Variants in EPS15 observed in about 807,000 individuals in gnomAD.
The protein encoded by EPS15 is epidermal growth factor receptor pathway substrate 15.
Under a neutral mutation model 113.8 loss-of-function variants are expected in EPS15, and 72 were observed. The observed-to-expected ratio is 0.63, with a 90% confidence interval of 0.52 to 0.77. The LOEUF is 0.77. Ranked by LOEUF, EPS15 falls within the 30% of genes least tolerant of loss-of-function variation. The probability of loss-of-function intolerance (pLI) is 0.00; values close to 1 mark genes in which losing one functional copy is unlikely to be tolerated. For missense variants in EPS15, 1,048 were observed against 1,045.8 expected (o/e 1.00, Z -0.03); for synonymous variants, 344 against 363.4 (o/e 0.95, Z 0.61).
intron 21 of EPS15, among the ~76,000 whole-genome samples, chr1:51,391,017 A>G (rs1012305855): frequency 9.9e-5 from 15 of 152,224 alleles, no homozygotes; most frequent in Non-Finnish European, 2.2e-4. Context: ...ATGCACACGT[A>G]TATTTATTGC....
chr1:51,491,528 A>C (rs534820361), intron 1 of EPS15, among the ~76,000 whole-genome samples: 19 of 152,380 alleles, frequency 1.2e-4, no homozygotes, highest in African/African-American at 4.6e-4. Flanking sequence ...GTAAAAGAAA[A>C]CAGGATGAAA....
chr1:51,357,371 C>A (rs1349696083), intron 24 of EPS15, among the ~76,000 whole-genome samples: 3 of 62,840 alleles, frequency 4.8e-5, no homozygotes, highest in Admixed American at 2.3e-4. Context: ...AGTGAGATTC[C>A]ATCTGAAAAA....
Position 51,430,259 on chromosome 1 carries a change from C to T in EPS15, c.1041-8401G>A, listed in dbSNP as rs188500029. Among the ~76,000 whole-genome samples the T allele has an allele frequency of 3.3e-5, 5 of 152,154 alleles. No individual in the cohort carries two copies. In the East Asian group the frequency reaches 9.7e-4, roughly 29 times the overall value. On this transcript the variant is annotated intron_variant, in intron 12 of 24. Coordinates refer to ENST00000371733, the MANE Select transcript of EPS15 (RefSeq NM_001981.3). ...TTTAAACAATTTGAAAGTTACATGA[C>T]CTTTCATTCTAAGAATTCAGAGTTC...
intron 21 of EPS15, among the ~76,000 whole-genome samples, chr1:51,376,507 T>C (rs1019269912): frequency 2.0e-5 from 3 of 152,024 alleles, no homozygotes; most frequent in Non-Finnish European, 4.4e-5. Flanking sequence ...CTACTAAAAA[T>C]ACAAAAATCA....
intron 8 of EPS15, among the ~76,000 whole-genome samples, chr1:51,450,904 G>A (rs568781871): frequency 6.6e-6 from 1 of 151,860 alleles, no homozygotes; most frequent in East Asian, 1.9e-4. Context: ...ATACTATAAA[G>A]CATTAAAAAA....
Position 51,357,387 on chromosome 1 carries a change from AAAAAATATAT to A in EPS15, c.2545-551_2545-542del, listed in dbSNP as rs1213254524. 2.4e-4 allele frequency among the ~76,000 whole-genome samples: 13 copies of A among 54,918 alleles called. No homozygotes were observed. The South Asian group carries it at 2.4e-3, about 10-fold the overall frequency. 36.0% of individuals were successfully genotyped at this position (54,918 alleles called of 152,430 possible). A position where few individuals can be genotyped will look rare whatever the true frequency, so the allele number is the denominator to read the frequency against. On this transcript the variant is annotated intron_variant, in intron 24 of 24. Transcript: ENST00000371733. ...GTGAGATTCCATCTGAAAAAAAAAA[AAAAAATATAT>A]ATATATATATATATATATATATATA...
rs551448857 is a variant in EPS15 at position 51,356,201 on chromosome 1, A to G, written c.*499T>C. ...CTGAAAAACAAATTAAGTAGAGGAA[A>G]TTTAAAAATGCACTTTAGCCAATTT... is the stretch of plus-strand genomic sequence containing the variant. On this transcript the variant is annotated 3_prime_UTR_variant, in exon 25 of 25. Transcript: ENST00000371733. 32 of 213,716 alleles carry G rather than the reference A, an allele frequency of 1.5e-4. No homozygotes were observed. The highest frequency in any genetic ancestry group is 6.8e-4 in the African/African-American group (30 of 44,414). The allele number at this position is 213,716 out of a possible 1,614,324, so 13.2% of individuals were successfully genotyped here. A position where few individuals can be genotyped will look rare whatever the true frequency, so the allele number is the denominator to read the frequency against.
intron 8 of EPS15, among the ~76,000 whole-genome samples, chr1:51,450,555 CTCTTA>C (rs1407388667): frequency 6.6e-6 from 1 of 151,768 alleles, no homozygotes; most frequent in African/African-American, 2.4e-5. Context: ...TTCTGTTTTT[CTCTTA>C]TCTTTTGTTA....
intron 11 of EPS15, among the ~76,000 whole-genome samples, chr1:51,442,476 A>G (rs1161643374): frequency 6.6e-6 from 1 of 152,196 alleles, no homozygotes; most frequent in Non-Finnish European, 1.5e-5. Context: ...CAAACAAGTT[A>G]GAAAGTGACA....
In EPS15 at chr1:51,364,039, A is replaced by G; in HGVS notation, c.2197-11T>C. The G allele has an allele frequency of 6.2e-7, 1 of 1,604,744 alleles. No homozygotes were observed. Among genetic ancestry groups the G allele is most frequent in the Non-Finnish European group, 8.5e-7 (1 of 1,174,904 alleles). On this transcript the variant is annotated splice_polypyrimidine_tract_variant and intron_variant, in intron 22 of 24. Coordinates refer to ENST00000371733, the MANE Select transcript of EPS15 (RefSeq NM_001981.3). Reference sequence around the variant, plus strand: ...ATCTTCATTGTTGACCTTTGTTTAAAAAGAAATGGTTATACATGGCTATAC... The same window carrying G: ...ATCTTCATTGTTGACCTTTGTTTAAGAAGAAATGGTTATACATGGCTATAC...
chr1:51,461,306 C>G (rs72696157), intron 7 of EPS15, among the ~76,000 whole-genome samples, 156 bp from the exon 8 acceptor site: 3,328 of 152,062 alleles, frequency 0.022, 31 homozygotes, highest in Middle Eastern at 0.034. Context: ...CACTTCAGCC[C>G]AGGAGTTTGA....
At chr1:51,405,576 T>C (rs970843766) in intron 16 of EPS15, among the ~76,000 whole-genome samples, 1 of 151,970 alleles carries the variant, frequency 6.6e-6, no homozygotes, top group Admixed American at 6.6e-5. Context: ...CACGTGACTG[T>C]AATCCCAGCT....
intron 21 of EPS15, among the ~76,000 whole-genome samples, chr1:51,378,852 A>C (rs1646865743): frequency 6.6e-6 from 1 of 152,176 alleles, no homozygotes; most frequent in Non-Finnish European, 1.5e-5. Flanking sequence ...TTGAGGGGAA[A>C]AAAAAGAACA....
chr1:51,513,890 A>G (rs1420608222), intron 1 of EPS15, among the ~76,000 whole-genome samples: 1 of 152,170 alleles, frequency 6.6e-6, no homozygotes, highest in Non-Finnish European at 1.5e-5. Context: ...TTAGAACACA[A>G]AGCTTTACTT....
intron 2 of EPS15, among the ~76,000 whole-genome samples, chr1:51,478,262 C>G (rs7556474): frequency 0.013 from 1,950 of 152,184 alleles, 1 homozygote; most frequent in Non-Finnish European, 0.019. Flanking sequence ...TTTTATCAGA[C>G]ACTAGGATTG....
intron 17 of EPS15, among the ~76,000 whole-genome samples, chr1:51,403,073 A>T (rs1215483193): frequency 6.6e-6 from 1 of 152,140 alleles, no homozygotes; most frequent in Non-Finnish European, 1.5e-5. Flanking sequence ...ACATTTTTTT[A>T]AAATATCATT....
At chr1:51,386,225 C>A (rs1346810268) in intron 21 of EPS15, among the ~76,000 whole-genome samples, 1 of 152,056 alleles carries the variant, frequency 6.6e-6, no homozygotes, top group Non-Finnish European at 1.5e-5. Flanking sequence ...GATCTCAATT[C>A]CTTCTGGAGC....
chr1:51,366,621 T>C (rs1410129035), intron 21 of EPS15, among the ~76,000 whole-genome samples: 1 of 152,174 alleles, frequency 6.6e-6, no homozygotes, highest in Admixed American at 6.5e-5. Flanking sequence ...AGGTAAGGCT[T>C]TGGAACACAT....
intron 24 of EPS15, among the ~76,000 whole-genome samples, chr1:51,359,888 G>A (rs534242636): frequency 6.8e-4 from 103 of 151,880 alleles, no homozygotes; most frequent in Admixed American, 1.2e-3. Flanking sequence ...GAGCTCAGTC[G>A]TCTTAGTTGC....
Sources: allele counts gnomAD v4.1 joint callset (sites outside exome capture counted in the v4.1 genomes callset), GRCh38; gene constraint gnomAD v4.1.1; transcripts MANE v1.5; gene names NCBI Gene and HGNC (gene_info 2026-07-23, HGNC 2026-07-21).